The following TSEN15 variants were observed in gnomAD, a reference collection of about 807,000 sequenced individuals.
TSEN15 encodes the protein tRNA splicing endonuclease subunit 15.
TSEN15 carries 10 observed loss-of-function variants against 20.5 expected under a neutral mutation model. The observed-to-expected ratio is 0.49, with a 90% CI of 0.30 to 0.83. The LOEUF (loss-of-function observed/expected upper bound fraction) is 0.83. Among genes scored for constraint, TSEN15 ranks in the 40% least tolerant of loss-of-function variants. TSEN15 has a pLI of 0.06. For synonymous variants in TSEN15, 72 were observed against 80.1 expected (o/e 0.90, Z 0.54); for missense variants, 180 against 218.6 (o/e 0.82, Z 1.11).
chr1:184,057,084 T>G (rs956295246), intron 3 of TSEN15, among the ~76,000 whole-genome samples: 1 of 152,168 alleles, frequency 6.6e-6, no homozygotes, highest in African/African-American at 2.4e-5. Context: ...GAATGTAACT[T>G]CTAAGATTAG....
chr1:184,072,484 A>T (rs1000069664), intron 4 of TSEN15, 186 bp downstream of exon 4: 6 of 603,278 alleles, frequency 9.9e-6, no homozygotes, highest in Non-Finnish European at 1.6e-5. Context: ...GCATGTTCCT[A>T]GTTATTTTTG....
At chr1:184,067,708 A>G (rs1276318229) in intron 3 of TSEN15, among the ~76,000 whole-genome samples, 1 of 151,976 alleles carries the variant, frequency 6.6e-6, no homozygotes, top group African/African-American at 2.4e-5. Flanking sequence ...ACCTGAGGTC[A>G]GGAGTTTGAT....
chr1:184,092,182 G>A (rs955799121), intron 3 of TSEN15, among the ~76,000 whole-genome samples: 23 of 152,166 alleles, frequency 1.5e-4, no homozygotes, highest in Non-Finnish European at 1.3e-4. Flanking sequence ...CTAAGAACTC[G>A]TTTGCATGAG....
chr1:184,070,560 T>G (rs1490717670), intron 3 of TSEN15: 3 of 821,024 alleles, frequency 3.7e-6, no homozygotes, highest in Non-Finnish European at 3.4e-6. Context: ...AGAAAAAAAT[T>G]AATTCAAGAT....
chr1:184,075,500 T>TTAC (rs1651042155), downstream of TSEN15, among the ~76,000 whole-genome samples: 1 of 152,174 alleles, frequency 6.6e-6, no homozygotes, highest in South Asian at 2.1e-4. Context: ...AACTCACATA[T>TTAC]AGTAAACCCT....
intron 3 of TSEN15, among the ~76,000 whole-genome samples, chr1:184,081,387 C>A (rs1487232858): frequency 6.6e-6 from 1 of 152,160 alleles, no homozygotes; most frequent in Non-Finnish European, 1.5e-5. Flanking sequence ...CTGTCAGTTC[C>A]AGCTGCAGGA....
At chr1:184,055,285 G>C (rs996919664) in intron 3 of TSEN15, among the ~76,000 whole-genome samples, 8 of 152,100 alleles carry the variant, frequency 5.3e-5, no homozygotes, top group African/African-American at 1.9e-4. Flanking sequence ...CAGATCTCAC[G>C]AGAACTCATT....
intron 1 of TSEN15, 90 bp from the exon 2 acceptor site, chr1:184,054,264 A>T (rs1572700947): frequency 1.3e-6 from 1 of 774,932 alleles, no homozygotes; most frequent in East Asian, 2.8e-5. Context: ...AATTTTATAG[A>T]TTATATATGC....
chr1:184,058,256 G>T, intron 3 of TSEN15: 1 of 386,508 alleles, frequency 2.6e-6, no homozygotes, highest in Non-Finnish European at 5.0e-6. Context: ...CCATTTTGAT[G>T]CTGTTGCATT....
At chr1:184,074,564 G>A (rs1248463839), downstream of TSEN15, among the ~76,000 whole-genome samples, 1 of 152,180 alleles carries the variant, frequency 6.6e-6, no homozygotes, top group African/African-American at 2.4e-5. Context: ...CAGCAAAGGA[G>A]AGTCTCAGCA....
rs1341558856 is a variant in TSEN15 at position 184,073,894 on chromosome 1, A to G, written c.*1047A>G. 6.6e-6 allele frequency: 1 copy of G among 152,194 alleles called. No homozygotes were observed. Among genetic ancestry groups the G allele is most frequent in the East Asian group, 1.9e-4 (1 of 5,200 alleles). The allele number at this position is 152,194 out of a possible 1,614,324, so 9.4% of individuals were successfully genotyped here. A position where few individuals can be genotyped will look rare whatever the true frequency, so the allele number is the denominator to read the frequency against. The stretch of plus-strand genomic sequence containing the variant: ...AAACTTTGTTTACAAATGTGGTGCC[A>G]TAGTTTGTCATCCCTGGGTCTAGGA... On this transcript the variant is annotated 3_prime_UTR_variant, in exon 5 of 5. Coordinates refer to ENST00000645668, the MANE Select transcript of TSEN15 (RefSeq NM_052965.4).
intron 3 of TSEN15, among the ~76,000 whole-genome samples, chr1:184,083,101 TAC>T (rs1200916040): frequency 6.6e-6 from 1 of 152,204 alleles, no homozygotes; most frequent in East Asian, 1.9e-4. Context: ...CAGTATTTGA[TAC>T]AGAGTAGAAG....
At chr1:184,075,910 A>ATATATATATATATATATATATATTTT (rs760409158), downstream of TSEN15, among the ~76,000 whole-genome samples, 6 of 123,752 alleles carry the variant, frequency 4.8e-5, no homozygotes, top group South Asian at 5.5e-4. Flanking sequence ...ATATATATAT[A>ATATATATATATATATATATATATTTT]TTTTTTTTTT....
intron 1 of TSEN15, among the ~76,000 whole-genome samples, chr1:184,052,556 TG>T (rs1340609246): frequency 6.6e-6 from 1 of 152,114 alleles, no homozygotes; most frequent in Non-Finnish European, 1.5e-5. Flanking sequence ...ATGTGGGTTT[TG>T]TAAGAATCTC....
At chr1:184,056,780 C>G (rs560277168) in intron 3 of TSEN15, among the ~76,000 whole-genome samples, 1 of 152,264 alleles carries the variant, frequency 6.6e-6, no homozygotes, top group African/African-American at 2.4e-5. Flanking sequence ...CTGCTACTTT[C>G]CAAAGTTCCA....
chr1:184,065,025 C>T (rs1364731022), intron 3 of TSEN15, among the ~76,000 whole-genome samples: 1 of 152,140 alleles, frequency 6.6e-6, no homozygotes, highest in Non-Finnish European at 1.5e-5. Context: ...GACATCTCCG[C>T]TGTGATCTAA....
chr1:184,061,963 ATGTGATCACAG>A (rs1303172301), intron 3 of TSEN15, among the ~76,000 whole-genome samples: 2 of 152,166 alleles, frequency 1.3e-5, no homozygotes, highest in Non-Finnish European at 1.5e-5. Flanking sequence ...TATATATGAT[ATGTGATCACAG>A]TTAAAACACT....
chr1:184,090,465 T>C (rs1259053573), intron 3 of TSEN15, among the ~76,000 whole-genome samples: 2 of 152,342 alleles, frequency 1.3e-5, no homozygotes, highest in East Asian at 3.9e-4. Flanking sequence ...TATTCTTTCA[T>C]GTAAATTATA....
At chr1:184,065,919 T>C (rs1198332337) in intron 3 of TSEN15, among the ~76,000 whole-genome samples, 1 of 152,242 alleles carries the variant, frequency 6.6e-6, no homozygotes, top group Non-Finnish European at 1.5e-5. Context: ...ATATGTGTTT[T>C]ACAAATATTT....
Sources: gnomAD v4.1 joint callset for allele counts (sites outside exome capture counted in the v4.1 genomes callset) on GRCh38, gnomAD v4.1.1 for gene constraint, MANE v1.5 for transcripts, NCBI Gene and HGNC (gene_info 2026-07-23, HGNC 2026-07-21) for gene names.